TMPRSS11A: variants seen among roughly 807,000 people sequenced by gnomAD.
TMPRSS11A encodes transmembrane protease serine 11A.
Under a neutral mutation model 58.9 loss-of-function variants are expected in TMPRSS11A, and 53 were observed. That is an observed-to-expected ratio of 0.90 (90% confidence interval 0.72 to 1.13). TMPRSS11A has a LOEUF of 1.13. Among genes scored for constraint, TMPRSS11A ranks in the 50% most tolerant of loss-of-function variants. The pLI is 0.00. For missense variants in TMPRSS11A, 493 were observed against 499.3 expected (o/e 0.99, Z 0.12); for synonymous variants, 167 against 169.8 (o/e 0.98, Z 0.13).
chr4:67,955,343 C>A (rs945056256), intron 1 of TMPRSS11A, among the ~76,000 whole-genome samples: 7 of 152,228 alleles, frequency 4.6e-5, no homozygotes, highest in Admixed American at 1.3e-4. Context: ...ATGCAGTATT[C>A]GTGTGTGTTT....
chr4:67,958,463 C>T (rs998597836), intron 1 of TMPRSS11A, among the ~76,000 whole-genome samples: 7 of 152,258 alleles, frequency 4.6e-5, no homozygotes, highest in Non-Finnish European at 8.8e-5. Context: ...TTTGACTGCT[C>T]TGATGGATTT....
chr4:67,947,495 T>C lies in TMPRSS11A; in HGVS notation c.12-924A>G, dbSNP rs79538746. ...GTCTGAATGCTTTCCTGTGGTATTATTTAACTTGTTCTTTTATATCCCTCA... is the reference window on the plus strand; with the variant it reads ...GTCTGAATGCTTTCCTGTGGTATTACTTAACTTGTTCTTTTATATCCCTCA... On this transcript the variant is annotated intron_variant, in intron 1 of 9. Coordinates refer to ENST00000508048, the MANE Select transcript of TMPRSS11A (RefSeq NM_001114387.2). Among the ~76,000 whole-genome samples the C allele has an allele frequency of 7.8e-3, 1,189 of 152,330 alleles. 58 individuals carry two copies. In the East Asian group the frequency reaches 0.14, roughly 18 times the overall value.
chr4:67,930,003 C>T lies in TMPRSS11A; in HGVS notation c.358G>A (p.Val120Met). 1 of 1,613,224 alleles carries T rather than the reference C, an allele frequency of 6.2e-7. No individual in the cohort carries two copies. Among genetic ancestry groups the T allele is most frequent in the Non-Finnish European group, 8.5e-7 (1 of 1,179,478 alleles). The change falls in exon 5 of 10, where the codon GTG (valine) becomes ATG (methionine). Residue 120 changes from valine to methionine, a missense_variant. Transcript: ENST00000508048. ...TGTTCAGTAGAGGGGAACTGGAACA[C>T]CATAATGACATCTACTTTCACACCA... ...EDGVKVDVIM[V>M]FQFPSTEQRA...
Position 67,948,147 on chromosome 4 carries a change from CTTTTTTTTTTTTTT to C in TMPRSS11A, c.12-1590_12-1577del, listed in dbSNP as rs10577639. Among the ~76,000 whole-genome samples, 10 of 98,296 alleles carry C rather than the reference CTTTTTTTTTTTTTT, an allele frequency of 1.0e-4. No individual in the cohort carries two copies. In the South Asian group the frequency reaches 3.2e-3, roughly 32 times the overall value. 64.5% of individuals were successfully genotyped at this position (98,296 alleles called of 152,430 possible). ...CTTTTGACTATAAAACAGTTTTTTTCTTTTTTTTTTTTTTTTTTTTTGAGACGGAGTCTCACTGT... is the reference window on the plus strand; with the variant it reads ...CTTTTGACTATAAAACAGTTTTTTTCTTTTTTTGAGACGGAGTCTCACTGT... On this transcript the variant is annotated intron_variant, in intron 1 of 9. Coordinates refer to ENST00000508048, the MANE Select transcript of TMPRSS11A (RefSeq NM_001114387.2).
chr4:67,955,541 A>T (rs1326519570), intron 1 of TMPRSS11A, among the ~76,000 whole-genome samples: 1 of 152,198 alleles, frequency 6.6e-6, no homozygotes, highest in Non-Finnish European at 1.5e-5. Context: ...TACAACATAA[A>T]TATGCCTTCA....
At chr4:67,920,883 A>G (rs1720307854) in intron 7 of TMPRSS11A, among the ~76,000 whole-genome samples, 1 of 152,208 alleles carries the variant, frequency 6.6e-6, no homozygotes, top group Non-Finnish European at 1.5e-5. Flanking sequence ...CTATGCAGCC[A>G]TAAAAAGAAC....
Position 67,922,859 on chromosome 4 carries a change from C to T in TMPRSS11A, c.588G>A (p.Ala196=), listed in dbSNP as rs772964163. Residue 196 remains alanine, a synonymous_variant, in exon 7 of 10, where the codon GCG becomes GCA. Transcript: ENST00000508048. ...GAAGGGAAGCTTGCCAAGGCCAGGC[C>T]GCCTTGGGTGCAATGACTCCAGATG... is the stretch of plus-strand genomic sequence containing the variant. ...RIASGVIAPK[A]AWPWQASLQY... The T allele has an allele frequency of 9.3e-6, 15 of 1,613,948 alleles. No homozygotes were observed. Among genetic ancestry groups the T allele is most frequent in the East Asian group, 2.2e-5 (1 of 44,870 alleles).
chr4:67,941,001 G>A (rs1480895694), intron 3 of TMPRSS11A, among the ~76,000 whole-genome samples: 1 of 152,180 alleles, frequency 6.6e-6, no homozygotes, highest in Non-Finnish European at 1.5e-5. Context: ...CCAGCCGGCA[G>A]TAATCAGACA....
intron 1 of TMPRSS11A, among the ~76,000 whole-genome samples, chr4:67,953,894 A>G (rs1199015779): frequency 6.6e-6 from 1 of 152,196 alleles, no homozygotes; most frequent in Non-Finnish European, 1.5e-5. Flanking sequence ...TCGTGGTCAG[A>G]TAGGTCAACA....
intron 3 of TMPRSS11A, among the ~76,000 whole-genome samples, chr4:67,937,921 C>T (rs932433843): frequency 6.6e-6 from 1 of 151,986 alleles, no homozygotes; most frequent in Non-Finnish European, 1.5e-5. Context: ...GGGTATACAC[C>T]CAGTAAGAGG....
intron 3 of TMPRSS11A, among the ~76,000 whole-genome samples, chr4:67,942,209 A>G (rs1269652292): frequency 1.3e-5 from 2 of 152,234 alleles, no homozygotes; most frequent in African/African-American, 4.8e-5. Context: ...AAATTTAGAA[A>G]GCCAAATAAT....
At position 67,916,826 on chromosome 4, in the gene TMPRSS11A, C is replaced by CAAAATAAAAATA. The variant is rs761507817; in HGVS notation, c.953-2108_953-2097dup. 1.6e-4 allele frequency among the ~76,000 whole-genome samples: 24 copies of CAAAATAAAAATA among 151,380 alleles called. No homozygotes were observed. In the East Asian group the frequency reaches 3.5e-3, roughly 22 times the overall value. On this transcript the variant is annotated intron_variant, in intron 8 of 9. Coordinates refer to ENST00000508048, the MANE Select transcript of TMPRSS11A (RefSeq NM_001114387.2). ...TGGGAGACAGAGCGAGACTCTGTTT[C>CAAAATAAAAATA]AAAATAAAAATAAAAATAAAAATAA...
In TMPRSS11A at chr4:67,963,387, A is replaced by G; in HGVS notation, c.7T>C (p.Tyr3His). The change falls in exon 1 of 10, where the codon TAT becomes CAT. Residue 3 changes from tyrosine (Y) to histidine (H), a missense_variant. Tyr to His is a moderately conservative substitution (Grantham distance 83, BLOSUM62 2). Coordinates refer to ENST00000508048, the MANE Select transcript of TMPRSS11A (RefSeq NM_001114387.2). MM[Y>H]RTVGFGTRSR... ...ATAAAACAGAACTGAACTTACCGAT[A>G]CATCATGTACAGGAGGAAGAATATG... 1 of 1,613,746 alleles carries G rather than the reference A, an allele frequency of 6.2e-7. No homozygotes were observed. Among genetic ancestry groups the G allele is most frequent in the South Asian group, 1.1e-5 (1 of 91,042 alleles).
chr4:67,927,514 G>A (rs1266640298), intron 5 of TMPRSS11A, among the ~76,000 whole-genome samples: 2 of 152,226 alleles, frequency 1.3e-5, no homozygotes, highest in Admixed American at 6.5e-5. Context: ...CCCTGTGCTC[G>A]CTCAGACAAC....
intron 1 of TMPRSS11A, among the ~76,000 whole-genome samples, chr4:67,950,874 C>T (rs1354371700): frequency 6.6e-6 from 1 of 152,168 alleles, no homozygotes; most frequent in Non-Finnish European, 1.5e-5. Context: ...TAAAAGTAAT[C>T]CCTGATTATG....
chr4:67,914,525 A>C, intron 9 of TMPRSS11A, 63 bp downstream of exon 9: 2 of 1,462,308 alleles, frequency 1.4e-6, no homozygotes, highest in Admixed American at 3.5e-5. Context: ...AAGAACATAT[A>C]ATATATTCTG....
Position 67,924,385 on chromosome 4 carries a change from G to A in TMPRSS11A, c.482-219C>T, listed in dbSNP as rs1431769365. On this transcript the variant is annotated intron_variant, in intron 5 of 9. Transcript: ENST00000508048. ...TTAGGTGGATACTATCACAAGCAAT[G>A]GGTGAGTAAGGCACAAATAGTGGAT... Among the ~76,000 whole-genome samples, 5 of 152,174 alleles carry A rather than the reference G, an allele frequency of 3.3e-5. No individual in the cohort carries two copies. The East Asian group carries it at 7.7e-4, about 23-fold the overall frequency.
chr4:67,949,029 C>T (rs1382044859), intron 1 of TMPRSS11A, among the ~76,000 whole-genome samples: 1 of 151,652 alleles, frequency 6.6e-6, no homozygotes, highest in Non-Finnish European at 1.5e-5. Flanking sequence ...TCAATTTGTT[C>T]AACTCTTCAT....
chr4:67,933,903 C>T (rs1364411808), intron 3 of TMPRSS11A, among the ~76,000 whole-genome samples: 1 of 152,136 alleles, frequency 6.6e-6, no homozygotes, highest in Non-Finnish European at 1.5e-5. Flanking sequence ...TGATTCCTGG[C>T]CATTTGTAAC....
Sources: allele counts gnomAD v4.1 joint callset (sites outside exome capture counted in the v4.1 genomes callset), GRCh38; gene constraint gnomAD v4.1.1; transcripts MANE v1.5; gene names NCBI Gene and HGNC (gene_info 2026-07-23, HGNC 2026-07-21).